TOX3: variants seen among roughly 807,000 people sequenced by gnomAD.
TOX3 encodes the protein CAG trinucleotide repeat-containing gene F9 protein.
In TOX3, 22 loss-of-function variants were observed where a neutral mutation model predicts 64.3. That is an observed-to-expected ratio of 0.34 (90% confidence interval 0.24 to 0.49). The LOEUF is 0.49. TOX3 is among the 20% of genes least tolerant of loss of function. The pLI is 0.99. For missense variants in TOX3, 661 were observed against 714.4 expected, an observed-to-expected ratio of 0.93 and a Z score of 0.85; for synonymous variants, 291 against 273.6, an observed-to-expected ratio of 1.06 and a Z score of -0.63.
intron 2 of TOX3, among the ~76,000 whole-genome samples, chr16:52,465,099 C>T (rs1331714217): frequency 7.8e-5 from 11 of 141,600 alleles, no homozygotes; most frequent in African/African-American, 2.9e-4. Context: ...ACTGCAAGCT[C>T]CGCCTCCCGG....
At chr16:52,509,954 TA>T (rs958646460) in intron 1 of TOX3, among the ~76,000 whole-genome samples, 2 of 152,084 alleles carry the variant, frequency 1.3e-5, no homozygotes, top group Non-Finnish European at 2.9e-5. Flanking sequence ...GAGATGAGTC[TA>T]AAAGGCCCCT....
At chr16:52,485,852 T>C (rs958777281) in intron 1 of TOX3, among the ~76,000 whole-genome samples, 1 of 152,018 alleles carries the variant, frequency 6.6e-6, no homozygotes, top group Non-Finnish European at 1.5e-5. Context: ...GTGTTTTCCC[T>C]GGACTTGATG....
intron 1 of TOX3, among the ~76,000 whole-genome samples, chr16:52,505,739 G>A (rs542632665): frequency 1.3e-5 from 2 of 152,216 alleles, no homozygotes; most frequent in African/African-American, 4.8e-5. Flanking sequence ...CACTTTGGGA[G>A]ATCGAGGCAG....
rs56848244 is a variant in TOX3, at chr16:52,492,564, AATATATATAT to A, written c.88-24000_88-23991del. Among the ~76,000 whole-genome samples, 225 of 90,682 alleles carry A rather than the reference AATATATATAT, an allele frequency of 2.5e-3. 3 individuals carry two copies. The highest frequency in any genetic ancestry group is 0.017 in the Middle Eastern group (2 of 118). The allele number at this position is 90,682 out of a possible 152,430, so 59.5% of individuals were successfully genotyped here. ...CACAACACTATATTAGTTGTATATA[AATATATATAT>A]ATATATATATATATATATATTCCTT... is the stretch of plus-strand genomic sequence containing the variant. On this transcript the variant is annotated intron_variant, in intron 1 of 6. Transcript: ENST00000219746.
chr16:52,486,858 C>T (rs544450044), intron 1 of TOX3, among the ~76,000 whole-genome samples: 1 of 152,030 alleles, frequency 6.6e-6, no homozygotes, highest in African/African-American at 2.4e-5. Flanking sequence ...ATCACTTGAG[C>T]CCTGGAAGTT....
At chr16:52,459,763 A>G (rs990589395) in intron 3 of TOX3, among the ~76,000 whole-genome samples, 1 of 152,240 alleles carries the variant, frequency 6.6e-6, no homozygotes, top group Non-Finnish European at 1.5e-5. Context: ...ACATTAAGCA[A>G]CGTTGCTAAA....
chr16:52,511,329 T>C (rs980704779), intron 1 of TOX3, among the ~76,000 whole-genome samples: 1 of 151,948 alleles, frequency 6.6e-6, no homozygotes, highest in Non-Finnish European at 1.5e-5. Flanking sequence ...CTGTCTCTAC[T>C]AAAAATACAA....
At chr16:52,454,102 A>G (rs1315621862) in intron 3 of TOX3, among the ~76,000 whole-genome samples, 3 of 152,174 alleles carry the variant, frequency 2.0e-5, no homozygotes, top group African/African-American at 4.8e-5. Flanking sequence ...GAGCCATGGT[A>G]TCTTCACGGT....
chr16:52,503,295 A>G (rs1276528475), intron 1 of TOX3, among the ~76,000 whole-genome samples: 1 of 152,186 alleles, frequency 6.6e-6, no homozygotes, highest in Non-Finnish European at 1.5e-5. Flanking sequence ...CTGACCTGCC[A>G]TCTCTAGGTG....
chr16:52,511,925 T>C (rs1181595948), intron 1 of TOX3, among the ~76,000 whole-genome samples: 1 of 152,174 alleles, frequency 6.6e-6, no homozygotes, highest in Non-Finnish European at 1.5e-5. Flanking sequence ...AATGGACACA[T>C]TCAGAACTCC....
At chr16:52,457,196 A>G (rs1178878284) in intron 3 of TOX3, among the ~76,000 whole-genome samples, 2 of 152,192 alleles carry the variant, frequency 1.3e-5, no homozygotes, top group Non-Finnish European at 2.9e-5. Context: ...AGCTATACAT[A>G]CTACGGTCTT....
At chr16:52,441,376 G>A (rs1117705) in intron 6 of TOX3, among the ~76,000 whole-genome samples, 66,609 of 151,988 alleles carry the variant, frequency 0.44, 14,804 homozygotes, top group Non-Finnish European at 0.45. Context: ...TTTATCAAAG[G>A]AGTCATAGAT....
intron 3 of TOX3, among the ~76,000 whole-genome samples, chr16:52,452,862 T>C (rs768214796): frequency 7.2e-5 from 11 of 152,190 alleles, no homozygotes; most frequent in Non-Finnish European, 1.6e-4. Flanking sequence ...TGGAGGAAAG[T>C]GTCACAAGTA....
rs34739813 is a variant in TOX3 at position 52,465,470 on chromosome 16, G to GTT, written c.154-1284_154-1283dup. Among the ~76,000 whole-genome samples the GTT allele has an allele frequency of 6.6e-3, 685 of 103,986 alleles. 18 individuals are homozygous for GTT. Among genetic ancestry groups the GTT allele is most frequent in the East Asian group, 0.055 (201 of 3,672 alleles). 68.2% of individuals were successfully genotyped at this position (103,986 alleles called of 152,430 possible). A position where few individuals can be genotyped will look rare whatever the true frequency, so the allele number is the denominator to read the frequency against. On this transcript the variant is annotated intron_variant, in intron 2 of 6. Transcript: ENST00000219746. ...CTAGGTTTTTTTTTGTTTCTTTTTG[G>GTT]TTTTTTTTTTTTTTTTTTTGGTCAG...
chr16:52,445,965 G>A, intron 5 of TOX3, 29 bp downstream of exon 5: 1 of 1,591,468 alleles, frequency 6.3e-7, no homozygotes, highest in Non-Finnish European at 8.6e-7. Flanking sequence ...GAGGTTTATT[G>A]ATGGAGCCTT....
intron 1 of TOX3, among the ~76,000 whole-genome samples, chr16:52,478,539 C>T (rs1961282811): frequency 6.6e-6 from 1 of 152,164 alleles, no homozygotes; most frequent in African/African-American, 2.4e-5. Context: ...ATTTATTTGT[C>T]CATTCACTAT....
At chr16:52,469,574 AG>A (rs1311375572) in intron 1 of TOX3, among the ~76,000 whole-genome samples, 30 of 152,300 alleles carry the variant, frequency 2.0e-4, no homozygotes, top group African/African-American at 7.2e-4. Context: ...TGATCTCCAA[AG>A]GGTGAAATGT....
chr16:52,536,524 G>A (rs1351393918), intron 1 of TOX3, among the ~76,000 whole-genome samples: 1 of 149,854 alleles, frequency 6.7e-6, no homozygotes, highest in Non-Finnish European at 1.5e-5. Flanking sequence ...AAAGTACACA[G>A]GGATAGATCT....
chr16:52,518,377 T>G (rs1437559708), intron 1 of TOX3, among the ~76,000 whole-genome samples: 6 of 152,138 alleles, frequency 3.9e-5, no homozygotes, highest in Admixed American at 2.6e-4. Context: ...TCAGAATATA[T>G]CAAAGCACAA....
Sources: allele counts gnomAD v4.1 joint callset (sites outside exome capture counted in the v4.1 genomes callset), GRCh38; gene constraint gnomAD v4.1.1; transcripts MANE v1.5; gene names NCBI Gene and HGNC (gene_info 2026-07-23, HGNC 2026-07-21).